Variants in NWD2 observed in about 807,000 individuals in gnomAD.
NWD2 encodes NACHT and WD repeat domain-containing protein 2.
NWD2 carries 37 observed loss-of-function variants against 132.7 expected under a neutral mutation model. The ratio of observed to expected loss-of-function variants is 0.28; its 90% CI spans 0.21 to 0.37. NWD2 has a LOEUF of 0.37. Among genes scored for constraint, NWD2 ranks in the 10% least tolerant of loss-of-function variants. The pLI, the probability that NWD2 is intolerant of heterozygous loss-of-function variation, is 1.00. For synonymous variants in NWD2, 705 were observed against 803.0 expected, an observed-to-expected ratio of 0.88 and a Z score of 2.06; for missense variants, 1,592 against 2,122.4, an observed-to-expected ratio of 0.75 and a Z score of 4.91.
At chr4:37,341,092 A>G (rs952508408) in intron 2 of NWD2, among the ~76,000 whole-genome samples, 19 of 152,236 alleles carry the variant, frequency 1.2e-4, no homozygotes, top group Middle Eastern at 3.2e-3. Context: ...GTTCAAAGTG[A>G]TACACATTCA....
At chr4:37,374,360 CA>C (rs1210378848) in intron 3 of NWD2, among the ~76,000 whole-genome samples, 1 of 151,546 alleles carries the variant, frequency 6.6e-6, no homozygotes, top group South Asian at 2.1e-4. Flanking sequence ...AACAAGGAGC[CA>C]AAAAAAGCCC....
chr4:37,447,169 A>G lies in NWD2; in HGVS notation c.5181A>G (p.Val1727=), dbSNP rs1236046951. Reference sequence around the variant, plus strand: ...AACACAACTCTTGTTATGAGCGGGTATGCTCGGCCCTAGAAGCCAGGGGCC... The same window carrying G: ...AACACAACTCTTGTTATGAGCGGGTGTGCTCGGCCCTAGAAGCCAGGGGCC... ...SKKHNSCYER[V]CSALEARGHS... The change falls in exon 7 of 7, where the codon GTA becomes GTG. Residue 1727 remains valine, a synonymous_variant. Coordinates refer to ENST00000309447, the MANE Select transcript of NWD2 (RefSeq NM_001144990.2). The G allele has an allele frequency of 2.6e-6, 4 of 1,551,220 alleles. No homozygotes were observed. Among genetic ancestry groups the G allele is most frequent in the African/African-American group, 2.7e-5 (2 of 73,068 alleles).
At chr4:37,346,060 C>T (rs1719630184) in intron 2 of NWD2, among the ~76,000 whole-genome samples, 1 of 145,328 alleles carries the variant, frequency 6.9e-6, no homozygotes, top group South Asian at 2.2e-4. Flanking sequence ...CCAGCCTGGG[C>T]AGCAGAGGGA....
At chr4:37,305,277 T>C (rs1418571194) in intron 1 of NWD2, among the ~76,000 whole-genome samples, 1 of 152,220 alleles carries the variant, frequency 6.6e-6, no homozygotes, top group Non-Finnish European at 1.5e-5. Context: ...AGGCCTGTGA[T>C]GGGAAGGGTT....
chr4:37,319,250 T>C (rs1577666657), intron 1 of NWD2, among the ~76,000 whole-genome samples: 1 of 152,216 alleles, frequency 6.6e-6, no homozygotes, highest in Non-Finnish European at 1.5e-5. Context: ...CATTTTTTCA[T>C]GTTTGGCCAT....
chr4:37,401,056 A>G (rs530721208), intron 3 of NWD2, among the ~76,000 whole-genome samples: 1 of 152,334 alleles, frequency 6.6e-6, no homozygotes, highest in South Asian at 2.1e-4. Context: ...GTGTTTAAAA[A>G]GCAGATATAG....
At chr4:37,367,387 T>A (rs73242343) in intron 3 of NWD2, among the ~76,000 whole-genome samples, 2 of 152,288 alleles carry the variant, frequency 1.3e-5, no homozygotes, top group Non-Finnish European at 2.9e-5. Flanking sequence ...AGAAATCCAT[T>A]ATTTGAAATT....
chr4:37,283,734 T>G (rs769559254), intron 1 of NWD2, among the ~76,000 whole-genome samples: 4 of 152,210 alleles, frequency 2.6e-5, no homozygotes, highest in Admixed American at 6.5e-5. Flanking sequence ...TTTCTTGATA[T>G]CTCAGTAGTA....
intron 3 of NWD2, among the ~76,000 whole-genome samples, chr4:37,422,681 C>A (rs1275389754): frequency 2.0e-5 from 3 of 152,198 alleles, no homozygotes; most frequent in Non-Finnish European, 4.4e-5. Context: ...AGTGCTTTCA[C>A]TCTCACCTGT....
At chr4:37,345,801 G>C (rs552432723) in intron 2 of NWD2, among the ~76,000 whole-genome samples, 1 of 151,958 alleles carries the variant, frequency 6.6e-6, no homozygotes, top group Non-Finnish European at 1.5e-5. Flanking sequence ...TTTACTCCTG[G>C]CCTGGTGCAG....
rs763111526 is a variant in NWD2 at position 37,443,473 on chromosome 4, A to G, written c.1485A>G (p.Leu495=). The change falls in exon 7 of 7, where the codon TTA becomes TTG. Residue 495 remains leucine (L), a synonymous_variant. Coordinates refer to ENST00000309447, the MANE Select transcript of NWD2 (RefSeq NM_001144990.2). This position sits in a 1 kb window ranked among gnomAD's most constrained non-coding sequence, Gnocchi z 4.1. The stretch of plus-strand genomic sequence containing the variant: ...AGAAGATCCATGACCTCTGTGACTT[A>G]TTTATAAATCTTTTGAATGAGTCTT... ...YPKKIHDLCD[L]FINLLNESSL... 9.0e-6 allele frequency: 14 copies of G among 1,552,044 alleles called. No homozygotes were observed. In the African/African-American group the frequency reaches 1.8e-4, roughly 20 times the overall value.
chr4:37,345,262 G>C (rs2109296420), intron 2 of NWD2, among the ~76,000 whole-genome samples: 1 of 152,220 alleles, frequency 6.6e-6, no homozygotes, highest in South Asian at 2.1e-4. Context: ...AGGTCATGTG[G>C]TAAGTCTCTG....
chr4:37,436,134 A>G (rs555870581), intron 5 of NWD2, among the ~76,000 whole-genome samples: 2 of 152,258 alleles, frequency 1.3e-5, no homozygotes, highest in Non-Finnish European at 2.9e-5. Flanking sequence ...TAAAGAAATT[A>G]ATTTCTCATG....
chr4:37,295,570 A>G (rs1051172049), intron 1 of NWD2, among the ~76,000 whole-genome samples: 1 of 152,146 alleles, frequency 6.6e-6, no homozygotes, highest in Non-Finnish European at 1.5e-5. Flanking sequence ...GTATTTAATC[A>G]TCATTTGTCT....
At chr4:37,365,708 G>T (rs1577680679) in intron 3 of NWD2, among the ~76,000 whole-genome samples, 1 of 152,112 alleles carries the variant, frequency 6.6e-6, no homozygotes. Flanking sequence ...TTAATTGTCT[G>T]GTGAAAGCCA....
At chr4:37,282,781 C>T (rs1003105082) in intron 1 of NWD2, among the ~76,000 whole-genome samples, 4 of 152,126 alleles carry the variant, frequency 2.6e-5, no homozygotes, top group Non-Finnish European at 5.9e-5. Context: ...TTTAACCTCT[C>T]AATGCTCCCA....
At chr4:37,398,348 G>A (rs1720841496) in intron 3 of NWD2, among the ~76,000 whole-genome samples, 2 of 152,154 alleles carry the variant, frequency 1.3e-5, no homozygotes, top group Admixed American at 1.3e-4. Flanking sequence ...AACAACACAG[G>A]AATAGAAAAC....
chr4:37,297,412 G>A (rs955686330), intron 1 of NWD2, among the ~76,000 whole-genome samples: 7 of 152,050 alleles, frequency 4.6e-5, no homozygotes, highest in African/African-American at 9.7e-5. Context: ...GGAACCTGCC[G>A]ATATGGAAGA....
chr4:37,338,952 C>T (rs930395794), intron 2 of NWD2, among the ~76,000 whole-genome samples: 3 of 152,202 alleles, frequency 2.0e-5, no homozygotes, highest in African/African-American at 7.2e-5. Flanking sequence ...GTCTTTTCTC[C>T]ACATTGTCAA....
Sources: gnomAD v4.1 joint callset for allele counts (sites outside exome capture counted in the v4.1 genomes callset) on GRCh38, gnomAD v4.1.1 for gene constraint, Gnocchi (gnomAD v3.1) non-coding constraint, MANE v1.5 for transcripts, NCBI Gene and HGNC (gene_info 2026-07-23, HGNC 2026-07-21) for gene names.